Variants in AUTS2 observed in about 807,000 individuals in gnomAD.
AUTS2 encodes autism susceptibility gene 2 protein.
In AUTS2, 17 loss-of-function variants were observed where a neutral mutation model predicts 112.4. The observed-to-expected ratio is 0.15, with a 90% CI of 0.10 to 0.23. The LOEUF (loss-of-function observed/expected upper bound fraction) is 0.23. AUTS2 is among the 10% of genes least tolerant of loss of function. The probability of loss-of-function intolerance (pLI) is 1.00; values close to 1 mark genes in which losing one functional copy is unlikely to be tolerated. For synonymous variants in AUTS2, 751 were observed against 702.7 expected, an observed-to-expected ratio of 1.07 and a Z score of -1.09; for missense variants, 1,510 against 1,701.6, an observed-to-expected ratio of 0.89 and a Z score of 1.98.
chr7:69,830,154 A>G (rs1791437360), intron 1 of AUTS2, among the ~76,000 whole-genome samples: 1 of 152,180 alleles, frequency 6.6e-6, no homozygotes, highest in African/African-American at 2.4e-5. Flanking sequence ...CAAACAGCGC[A>G]TGTTCTCACT....
At chr7:69,710,581 C>T (rs1798271187) in intron 1 of AUTS2, among the ~76,000 whole-genome samples, 2 of 152,190 alleles carry the variant, frequency 1.3e-5, no homozygotes, top group Non-Finnish European at 1.5e-5. Flanking sequence ...GAATGTGACT[C>T]GTGTCCTCAC....
Position 70,763,185 on chromosome 7 carries a change from C to A in AUTS2, c.1058C>A (p.Ala353Asp). The A allele has an allele frequency of 6.2e-7, 1 of 1,613,996 alleles. No homozygotes were observed. The highest frequency in any genetic ancestry group is 8.5e-7 in the Non-Finnish European group (1 of 1,179,958). Residue 353 changes from alanine to aspartate, a missense_variant, in exon 7 of 19, where the codon GCC (alanine) becomes GAC (aspartate). Ala to Asp is a moderately radical substitution (Grantham distance 126, BLOSUM62 -2). Transcript: ENST00000342771. ...CCTCCTGAGGCCCAGCTCCAGCCTG[C>A]CCCGCAGCCTCAGGTGCAGAGGCCA... ...QGPPEAQLQP[A>D]PQPQVQRPPR... is the part of the protein sequence containing the mutation.
chr7:69,968,778 T>C (rs1004546884), intron 2 of AUTS2, among the ~76,000 whole-genome samples: 23 of 152,162 alleles, frequency 1.5e-4, no homozygotes, highest in African/African-American at 5.6e-4. Flanking sequence ...CATAAGCACA[T>C]TAAATATGCC....
At chr7:69,738,979 C>A (rs1358796819) in intron 1 of AUTS2, among the ~76,000 whole-genome samples, 1 of 151,898 alleles carries the variant, frequency 6.6e-6, no homozygotes, top group Non-Finnish European at 1.5e-5. Context: ...CGGTGGTGTC[C>A]CTGGGTGGTT....
chr7:70,492,019 T>C (rs1798267397), intron 5 of AUTS2, among the ~76,000 whole-genome samples: 1 of 152,122 alleles, frequency 6.6e-6, no homozygotes, highest in Non-Finnish European at 1.5e-5. Context: ...TCTTCAGCCT[T>C]CCTGGCGCCT....
intron 1 of AUTS2, among the ~76,000 whole-genome samples, chr7:69,705,525 A>G (rs1012990518): frequency 6.6e-6 from 1 of 152,210 alleles, no homozygotes; most frequent in African/African-American, 2.4e-5. Context: ...GAAAGAATGC[A>G]TATTATTTCA....
At chr7:70,334,347 C>T (rs1790894530) in intron 4 of AUTS2, among the ~76,000 whole-genome samples, 1 of 152,040 alleles carries the variant, frequency 6.6e-6, no homozygotes, top group African/African-American at 2.4e-5. Flanking sequence ...TGAGATGGTC[C>T]TGTGGTAAGT....
chr7:69,733,881 T>C (rs1786911628), intron 1 of AUTS2, among the ~76,000 whole-genome samples: 1 of 152,170 alleles, frequency 6.6e-6, no homozygotes, highest in South Asian at 2.1e-4. Context: ...TCTCATAGTA[T>C]TAATGTTCTA....
At chr7:70,125,541 A>G (rs1307200774) in intron 3 of AUTS2, among the ~76,000 whole-genome samples, 1 of 152,094 alleles carries the variant, frequency 6.6e-6, no homozygotes, top group Non-Finnish European at 1.5e-5. Flanking sequence ...GTCATCAGGT[A>G]GAAACTAGAG....
At chr7:69,898,243 A>G (rs187991953) in intron 1 of AUTS2, among the ~76,000 whole-genome samples, 1 of 152,292 alleles carries the variant, frequency 6.6e-6, no homozygotes, top group East Asian at 1.9e-4. Context: ...GACTGCAGAA[A>G]CTGAGGAAGT....
chr7:69,657,112 G>A (rs1221972034), intron 1 of AUTS2, among the ~76,000 whole-genome samples: 2 of 152,080 alleles, frequency 1.3e-5, no homozygotes, highest in East Asian at 1.9e-4. Flanking sequence ...CTTGGCTCCC[G>A]GCTCCTTCAG....
chr7:70,578,403 T>C (rs1028861781), intron 5 of AUTS2, among the ~76,000 whole-genome samples: 4 of 152,266 alleles, frequency 2.6e-5, no homozygotes, highest in Non-Finnish European at 5.9e-5. Flanking sequence ...GTGTGCATGC[T>C]GCACATTTTC....
intron 4 of AUTS2, among the ~76,000 whole-genome samples, chr7:70,139,165 C>T (rs1210953289): frequency 6.6e-6 from 1 of 152,118 alleles, no homozygotes; most frequent in East Asian, 1.9e-4. Flanking sequence ...TGGGGCTCTA[C>T]CGTGTTGCCA....
At chr7:70,570,478 G>A (rs546082923) in intron 5 of AUTS2, among the ~76,000 whole-genome samples, 4 of 152,224 alleles carry the variant, frequency 2.6e-5, no homozygotes, top group East Asian at 1.9e-4. Flanking sequence ...CGACACAAAC[G>A]ACCAAACCTT....
At chr7:70,459,648 A>G (rs893086349) in intron 5 of AUTS2, among the ~76,000 whole-genome samples, 2 of 152,208 alleles carry the variant, frequency 1.3e-5, no homozygotes, top group Admixed American at 6.5e-5. Flanking sequence ...GTGTTTTACA[A>G]AATACACATC....
At position 70,260,226 on chromosome 7, in the gene AUTS2, CG is replaced by C. The variant is rs547727737; in HGVS notation, c.660+125656del. Among the ~76,000 whole-genome samples the C allele has an allele frequency of 2.4e-3, 369 of 151,728 alleles. 3 individuals are homozygous for C. Among genetic ancestry groups the C allele is most frequent in the African/African-American group, 8.4e-3 (349 of 41,346 alleles). On this transcript the variant is annotated intron_variant, in intron 4 of 18. Coordinates refer to ENST00000342771, the MANE Select transcript of AUTS2 (RefSeq NM_015570.4). Reference sequence around the variant, plus strand: ...TAAAAATACAAAAAAATTAGCCAGGCGTGGTGTTGCGCACCTGTGGTCCCAG... The same window carrying C: ...TAAAAATACAAAAAAATTAGCCAGGCTGGTGTTGCGCACCTGTGGTCCCAG...
intron 4 of AUTS2, among the ~76,000 whole-genome samples, chr7:70,412,454 A>C (rs989209435): frequency 6.6e-6 from 1 of 152,192 alleles, no homozygotes; most frequent in African/African-American, 2.4e-5. Context: ...TAGAGCAAGG[A>C]ATCTAAGATG....
chr7:69,767,220 C>G (rs1414320219), intron 1 of AUTS2, among the ~76,000 whole-genome samples: 4 of 151,734 alleles, frequency 2.6e-5, no homozygotes, highest in Non-Finnish European at 4.4e-5. Context: ...TGCTCTGTCA[C>G]CCAGGCTGGA....
At chr7:69,860,441 T>C (rs1792924206) in intron 1 of AUTS2, among the ~76,000 whole-genome samples, 1 of 152,218 alleles carries the variant, frequency 6.6e-6, no homozygotes, top group Admixed American at 6.5e-5. Context: ...TATGTGTGTG[T>C]CCTTTCATGT....
Sources: gnomAD v4.1 joint callset for allele counts (sites outside exome capture counted in the v4.1 genomes callset) on GRCh38, gnomAD v4.1.1 for gene constraint, MANE v1.5 for transcripts, NCBI Gene and HGNC (gene_info 2026-07-23, HGNC 2026-07-21) for gene names.